FAAH2: variants seen among roughly 807,000 people sequenced by gnomAD.
FAAH2 encodes the protein fatty acid amide hydrolase 2, also known as fatty-acid amide hydrolase 2.
Under a neutral mutation model 36.9 loss-of-function variants are expected in FAAH2, and 60 were observed. The observed-to-expected ratio is 1.63, with a 90% CI of 1.32 to 2.02. The LOEUF is 2.02. Ranked by LOEUF, FAAH2 falls within the 30% of genes most tolerant of loss-of-function variation. The probability of loss-of-function intolerance (pLI) is 0.00; values close to 1 mark genes in which losing one functional copy is unlikely to be tolerated. For missense variants in FAAH2, 689 were observed against 397.5 expected, an observed-to-expected ratio of 1.73 and a Z score of -6.23; for synonymous variants, 214 against 143.8, an observed-to-expected ratio of 1.49 and a Z score of -3.49.
At chrX:57,287,700 A>C (rs2051848061) in intron 1 of FAAH2, among the ~76,000 whole-genome samples, 1 of 111,630 alleles carries the variant, frequency 9.0e-6, no homozygotes, top group African/African-American at 3.3e-5. Flanking sequence ...AGGCAGGACT[A>C]TTCATCTCTG....
At chrX:57,430,994 G>A (rs1176993685) in intron 7 of FAAH2, among the ~76,000 whole-genome samples, 1 of 111,670 alleles carries the variant, frequency 9.0e-6, no homozygotes, top group Non-Finnish European at 1.9e-5. Flanking sequence ...ACTTCATTTA[G>A]TGTAGGACAC....
the FAAH2 span, among the ~76,000 whole-genome samples, chrX:57,220,630 G>A: frequency 8.9e-6 from 1 of 112,161 alleles, no homozygotes; most frequent in Admixed American, 9.4e-5. Context: ...TCAAATGCTT[G>A]CCTCCACCAT....
the FAAH2 span, among the ~76,000 whole-genome samples, chrX:57,163,637 A>C: frequency 2.7e-5 from 3 of 111,525 alleles, no homozygotes; most frequent in Non-Finnish European, 5.7e-5. Context: ...GGTGCTGTCC[A>C]TCACCCCTTT....
chrX:57,319,408 A>T (rs2052945507), intron 3 of FAAH2, among the ~76,000 whole-genome samples: 1 of 111,656 alleles, frequency 9.0e-6, no homozygotes, highest in African/African-American at 3.3e-5. Flanking sequence ...TCATGAGTGA[A>T]CTCCCATTCA....
chrX:57,296,325 G>T lies in FAAH2; in HGVS notation c.275+3745G>T, dbSNP rs754839298. Among the ~76,000 whole-genome samples the T allele has an allele frequency of 2.7e-5, 3 of 111,871 alleles. No homozygotes were observed. In the South Asian group the frequency reaches 1.1e-3, roughly 42 times the overall value. ...CTGCTGTTCTGCAGCCACCACTGCT[G>T]ATACCCAGGCAAACAGGGTCTGCAG... On this transcript the variant is annotated intron_variant, in intron 2 of 10. Coordinates refer to ENST00000374900, the MANE Select transcript of FAAH2 (RefSeq NM_174912.4).
intron 7 of FAAH2, chrX:57,393,318 C>A: frequency 1.1e-6 from 1 of 876,935 alleles, no homozygotes; most frequent in Non-Finnish European, 1.7e-6. Context: ...ACCATAGGGC[C>A]ACCCCTGTGC....
At chrX:57,143,900 T>C in the FAAH2 span, among the ~76,000 whole-genome samples, 7 of 112,207 alleles carry the variant, frequency 6.2e-5, no homozygotes, top group African/African-American at 1.6e-4. Flanking sequence ...CAGTGAGTTT[T>C]AGATCTCCAG....
At chrX:57,200,853 C>G in the FAAH2 span, among the ~76,000 whole-genome samples, 1 of 111,108 alleles carries the variant, frequency 9.0e-6, no homozygotes, top group African/African-American at 3.3e-5. Context: ...TTACCATTAC[C>G]AGTGAGTTTT....
At chrX:57,179,702 CAG>C in the FAAH2 span, among the ~76,000 whole-genome samples, 2 of 111,349 alleles carry the variant, frequency 1.8e-5, no homozygotes. Context: ...CAGTATTAGA[CAG>C]AACATCAAGG....
chrX:57,317,812 C>T (rs912036578), intron 3 of FAAH2, among the ~76,000 whole-genome samples: 4 of 111,961 alleles, frequency 3.6e-5, no homozygotes, highest in Non-Finnish European at 5.6e-5. Flanking sequence ...ATATAACCAA[C>T]AGTCTCTCAG....
chrX:57,410,209 A>C (rs2055665118), intron 7 of FAAH2, among the ~76,000 whole-genome samples: 1 of 111,420 alleles, frequency 9.0e-6, no homozygotes, highest in Non-Finnish European at 1.9e-5. Context: ...GTTTCATAAC[A>C]TTGTGGCTGA....
intron 5 of FAAH2, among the ~76,000 whole-genome samples, chrX:57,367,887 G>T (rs2054456511): frequency 9.0e-6 from 1 of 111,688 alleles, no homozygotes; most frequent in African/African-American, 3.3e-5. Context: ...TAAAGAAAGA[G>T]CCCACATTTG....
chrX:57,301,567 C>G (rs959516293), intron 2 of FAAH2, among the ~76,000 whole-genome samples: 2 of 106,641 alleles, frequency 1.9e-5, no homozygotes, highest in Non-Finnish European at 3.9e-5. Flanking sequence ...ACATATGTAA[C>G]AAACCTGCAC....
intron 7 of FAAH2, among the ~76,000 whole-genome samples, chrX:57,407,635 C>A (rs1383236018): frequency 2.7e-5 from 3 of 111,533 alleles, no homozygotes; most frequent in Admixed American, 9.5e-5. Flanking sequence ...ACTGCTCACC[C>A]ATAACTTTGA....
At chrX:57,407,481 C>T (rs1175812998) in intron 7 of FAAH2, among the ~76,000 whole-genome samples, 1 of 112,104 alleles carries the variant, frequency 8.9e-6, no homozygotes, top group Non-Finnish European at 1.9e-5. Flanking sequence ...AAGTAATACC[C>T]TACCTAACCT....
intron 5 of FAAH2, among the ~76,000 whole-genome samples, chrX:57,364,244 T>C (rs2054357137): frequency 9.1e-6 from 1 of 109,406 alleles, no homozygotes; most frequent in African/African-American, 3.3e-5. Context: ...GCATTATTGG[T>C]CTTTTCAGGG....
At chrX:57,250,248 G>A in the FAAH2 span, among the ~76,000 whole-genome samples, 3 of 111,672 alleles carry the variant, frequency 2.7e-5, no homozygotes, top group Non-Finnish European at 5.6e-5. Context: ...ATCTGTAAGG[G>A]ATCAAAATAT....
chrX:57,446,820 A>G, intron 8 of FAAH2, 108 bp from the exon 9 acceptor site: 1 of 463,166 alleles, frequency 2.2e-6, no homozygotes, highest in East Asian at 3.8e-5. Flanking sequence ...ATTGACTGGT[A>G]TTTTACTGTT....
intron 10 of FAAH2, among the ~76,000 whole-genome samples, chrX:57,449,223 T>A (rs943579626): frequency 5.3e-5 from 6 of 112,251 alleles, no homozygotes; most frequent in Admixed American, 3.8e-4. Context: ...CATGATTATG[T>A]GAAGTCTAAA....
Sources: gnomAD v4.1 joint callset for allele counts (sites outside exome capture counted in the v4.1 genomes callset) on GRCh38, gnomAD v4.1.1 for gene constraint, MANE v1.5 for transcripts, NCBI Gene and HGNC (gene_info 2026-07-23, HGNC 2026-07-21) for gene names.